Variants in UBE2U observed in about 807,000 individuals in gnomAD.
UBE2U encodes ubiquitin conjugating enzyme E2 U.
A neutral mutation model predicts 41.2 loss-of-function variants in UBE2U; 39 were observed. The ratio of observed to expected loss-of-function variants is 0.95; its 90% CI spans 0.73 to 1.24. The LOEUF (loss-of-function observed/expected upper bound fraction) is 1.24, where lower values mean the gene tolerates loss of function less well. Ranked by LOEUF, UBE2U falls within the 50% of genes most tolerant of loss-of-function variation. The probability of loss-of-function intolerance (pLI) is 0.00; values close to 1 mark genes in which losing one functional copy is unlikely to be tolerated. For missense variants in UBE2U, 336 were observed against 363.1 expected, an observed-to-expected ratio of 0.93 and a Z score of 0.61; for synonymous variants, 107 against 117.8, an observed-to-expected ratio of 0.91 and a Z score of 0.60.
intron 9 of UBE2U, among the ~76,000 whole-genome samples, chr1:64,266,168 C>T (rs762337359): frequency 1.1e-4 from 16 of 152,142 alleles, no homozygotes; most frequent in Admixed American, 3.3e-4. Flanking sequence ...TAGAAATATA[C>T]ATCTAGAAAT....
At chr1:64,239,121 AAG>A (rs1491152565) in intron 7 of UBE2U, among the ~76,000 whole-genome samples, 8 of 54,008 alleles carry the variant, frequency 1.5e-4, no homozygotes, top group African/African-American at 5.5e-4. Context: ...GAAGAAGAAG[AAG>A]AAGAAGAAGA....
chr1:64,234,429 T>A (rs192138332), intron 7 of UBE2U, among the ~76,000 whole-genome samples: 1 of 152,210 alleles, frequency 6.6e-6, no homozygotes, highest in African/African-American at 2.4e-5. Flanking sequence ...GACCATTGCC[T>A]TAATTTGAAG....
At position 64,260,595 on chromosome 1, in the gene UBE2U, C is replaced by T; in HGVS notation, c.678-8C>T. Reference sequence around the variant, plus strand: ...TTTGGGAATTTAGTTTTCTTTTTCTCTTTCTAGGTATTCCGTTATCAAGTG... The same window carrying T: ...TTTGGGAATTTAGTTTTCTTTTTCTTTTTCTAGGTATTCCGTTATCAAGTG... On this transcript the variant is annotated splice_region_variant and splice_polypyrimidine_tract_variant and intron_variant, in intron 8 of 9. Transcript: ENST00000371077. 6.5e-7 allele frequency: 1 copy of T among 1,544,314 alleles called. No individual in the cohort carries two copies. Among genetic ancestry groups the T allele is most frequent in the South Asian group, 1.2e-5 (1 of 83,042 alleles).
Position 64,204,013 on chromosome 1 carries a change from G to A in UBE2U, c.-38G>A. The A allele has an allele frequency of 6.2e-7, 1 of 1,601,928 alleles. No homozygotes were observed. Among genetic ancestry groups the A allele is most frequent in the Non-Finnish European group, 8.5e-7 (1 of 1,171,530 alleles). On this transcript the variant is annotated 5_prime_UTR_variant, in exon 1 of 10. Coordinates refer to ENST00000371077, the MANE Select transcript of UBE2U (RefSeq NM_001366232.2). ...ACATCTGCCTCAGAGTAAACCTGAG[G>A]CATTTGGGGACAAGTGTCAGACCCT...
At chr1:64,265,380 A>G (rs527373371) in intron 9 of UBE2U, among the ~76,000 whole-genome samples, 1 of 152,374 alleles carries the variant, frequency 6.6e-6, no homozygotes, top group African/African-American at 2.4e-5. Flanking sequence ...GGTTAGAAAG[A>G]ACTGGAGTTA....
chr1:64,239,169 GAAGAAGAAGAAGAAGAAGAAGAAA>G lies in UBE2U; in HGVS notation c.596-2482_596-2459del, dbSNP rs1277432793. On this transcript the variant is annotated intron_variant, in intron 7 of 9. Coordinates refer to ENST00000371077, the MANE Select transcript of UBE2U (RefSeq NM_001366232.2). ...GAAGAAGAAGAAGAAAGAAGAAGAA[GAAGAAGAAGAAGAAGAAGAAGAAA>G]GCCCCAGACAAGGACAAGACTGGTG... is the stretch of plus-strand genomic sequence containing the variant. Among the ~76,000 whole-genome samples, 18 of 91,108 alleles carry G rather than the reference GAAGAAGAAGAAGAAGAAGAAGAAA, an allele frequency of 2.0e-4. No individual in the cohort carries two copies. In the East Asian group the frequency reaches 6.1e-3, roughly 31 times the overall value. The allele number at this position is 91,108 out of a possible 152,430, so 59.8% of individuals were successfully genotyped here. A position where few individuals can be genotyped will look rare whatever the true frequency, so the allele number is the denominator to read the frequency against.
intron 5 of UBE2U, among the ~76,000 whole-genome samples, chr1:64,218,721 G>T (rs577910724): frequency 2.8e-4 from 42 of 152,224 alleles, no homozygotes; most frequent in African/African-American, 9.6e-4. Context: ...CTCCTAATAT[G>T]ATTTGGTTAC....
At chr1:64,211,940 C>A (rs2100267438) in intron 4 of UBE2U, among the ~76,000 whole-genome samples, 1 of 152,246 alleles carries the variant, frequency 6.6e-6, no homozygotes, top group East Asian at 1.9e-4. Flanking sequence ...AATACTCTGG[C>A]ATAATTGAGT....
intron 9 of UBE2U, among the ~76,000 whole-genome samples, chr1:64,264,839 A>G (rs1388902306): frequency 1.3e-5 from 2 of 152,134 alleles, no homozygotes. Flanking sequence ...AGTCCCAGTT[A>G]CTTGGGAGGC....
At chr1:64,255,766 G>A (rs796244311) in intron 8 of UBE2U, among the ~76,000 whole-genome samples, 28 of 152,222 alleles carry the variant, frequency 1.8e-4, no homozygotes, top group African/African-American at 5.8e-4. Context: ...TCTGGCCAGG[G>A]CAATTAGGCA....
chr1:64,257,552 G>C (rs929470039), intron 8 of UBE2U, among the ~76,000 whole-genome samples: 3 of 152,148 alleles, frequency 2.0e-5, no homozygotes, highest in Non-Finnish European at 4.4e-5. Flanking sequence ...AGAAGTGGGA[G>C]CTGAATGATG....
At chr1:64,235,295 A>T (rs115148037) in intron 7 of UBE2U, among the ~76,000 whole-genome samples, 1,595 of 152,324 alleles carry the variant, frequency 0.01, 32 homozygotes, top group African/African-American at 0.037. Context: ...CTTTGAATCT[A>T]GCACTTGGTG....
At chr1:64,239,116 AG>A (rs370097110) in intron 7 of UBE2U, among the ~76,000 whole-genome samples, 5,847 of 34,310 alleles carry the variant, frequency 0.17, 88 homozygotes, top group South Asian at 0.2. Context: ...AAGAAGAAGA[AG>A]AAGAAGAAGA....
At chr1:64,208,417 G>A (rs920083948) in intron 3 of UBE2U, among the ~76,000 whole-genome samples, 1 of 151,680 alleles carries the variant, frequency 6.6e-6, no homozygotes, top group Admixed American at 6.6e-5. Flanking sequence ...ACCAGCCTGG[G>A]CAACATAGTG....
intron 6 of UBE2U, among the ~76,000 whole-genome samples, chr1:64,226,756 A>G (rs1189948136): frequency 6.6e-6 from 1 of 150,614 alleles, no homozygotes; most frequent in Non-Finnish European, 1.5e-5. Flanking sequence ...AAAAAAAGGT[A>G]TTCAAACCTT....
intron 6 of UBE2U, among the ~76,000 whole-genome samples, chr1:64,224,554 C>G (rs768429817): frequency 2.0e-5 from 3 of 152,092 alleles, no homozygotes; most frequent in Non-Finnish European, 4.4e-5. Flanking sequence ...GAAACCCCGT[C>G]TCTACTAAAA....
At chr1:64,239,080 G>GA (rs1491414275) in intron 7 of UBE2U, among the ~76,000 whole-genome samples, 1 of 54,832 alleles carries the variant, frequency 1.8e-5, no homozygotes, top group East Asian at 5.6e-4. Flanking sequence ...AAGAGGAAGA[G>GA]GAAGAGGAAG....
rs113799602 is a variant in UBE2U, at chr1:64,228,988, G to C, written c.507-3573G>C. The stretch of plus-strand genomic sequence containing the variant: ...CAATTTTCCTGTCTCAGCCTCCTGA[G>C]TAGCTGGGATTACAGGCACACGCCA... On this transcript the variant is annotated intron_variant, in intron 6 of 9. Coordinates refer to ENST00000371077, the MANE Select transcript of UBE2U (RefSeq NM_001366232.2). Among the ~76,000 whole-genome samples the C allele has an allele frequency of 8.8e-3, 1,338 of 151,506 alleles. 20 individuals carry two copies. Among genetic ancestry groups the C allele is most frequent in the African/African-American group, 0.03 (1,254 of 41,232 alleles).
chr1:64,208,546 G>A (rs756765438), intron 3 of UBE2U, among the ~76,000 whole-genome samples: 2 of 144,588 alleles, frequency 1.4e-5, no homozygotes, highest in African/African-American at 5.2e-5. Flanking sequence ...CGAGGCTGCA[G>A]TGAGCCATGA....
Sources: gnomAD v4.1 joint callset for allele counts (sites outside exome capture counted in the v4.1 genomes callset) on GRCh38, gnomAD v4.1.1 for gene constraint, MANE v1.5 for transcripts, NCBI Gene and HGNC (gene_info 2026-07-23, HGNC 2026-07-21) for gene names.